Variants in SDK1 observed in about 807,000 individuals in gnomAD.
The protein encoded by SDK1 is protein sidekick-1.
In SDK1, 157 loss-of-function variants were observed where a neutral mutation model predicts 245.5. The ratio of observed to expected loss-of-function variants is 0.64; its 90% confidence interval spans 0.56 to 0.73. SDK1 has a LOEUF of 0.73. Ranked by LOEUF, SDK1 falls within the 30% of genes least tolerant of loss-of-function variation. SDK1 has a pLI of 0.00. For synonymous variants in SDK1, 1,647 were observed against 1,278.5 expected, an observed-to-expected ratio of 1.29 and a Z score of -6.15; for missense variants, 3,583 against 3,002.3, an observed-to-expected ratio of 1.19 and a Z score of -4.52.
At chr7:4,080,062 C>A (rs545499750) in intron 22 of SDK1, among the ~76,000 whole-genome samples, 18 of 152,030 alleles carry the variant, frequency 1.2e-4, no homozygotes, top group African/African-American at 4.4e-4. Context: ...TTTCTGCTGT[C>A]GAGGAGAAAA....
intron 14 of SDK1, among the ~76,000 whole-genome samples, chr7:3,998,849 C>T (rs1037245863): frequency 2.0e-5 from 3 of 152,208 alleles, no homozygotes; most frequent in Admixed American, 1.3e-4. Context: ...GCTGGCTTCT[C>T]TGGGTGAATG....
chr7:3,896,842 T>C (rs921442621), intron 5 of SDK1, among the ~76,000 whole-genome samples: 3 of 152,180 alleles, frequency 2.0e-5, no homozygotes, highest in Non-Finnish European at 2.9e-5. Context: ...TATACATGTA[T>C]TAGTTTGTTT....
At chr7:3,968,170 G>C (rs779196246) in intron 10 of SDK1, among the ~76,000 whole-genome samples, 4 of 152,140 alleles carry the variant, frequency 2.6e-5, no homozygotes, top group Non-Finnish European at 4.4e-5. Context: ...TTGTTTTGTT[G>C]AAGAAAGATG....
At chr7:4,146,545 G>T (rs1243759080) in intron 29 of SDK1, among the ~76,000 whole-genome samples, 1 of 152,222 alleles carries the variant, frequency 6.6e-6, no homozygotes, top group Non-Finnish European at 1.5e-5. Flanking sequence ...TATGTGAGAC[G>T]GTCTCAGGTT....
intron 4 of SDK1, among the ~76,000 whole-genome samples, chr7:3,792,930 C>G (rs1778850614): frequency 6.6e-6 from 1 of 152,182 alleles, no homozygotes; most frequent in Non-Finnish European, 1.5e-5. Context: ...GCATTCAGTT[C>G]TGCTTTGGAA....
chr7:3,765,464 G>T (rs578187061), intron 4 of SDK1, among the ~76,000 whole-genome samples: 2 of 152,278 alleles, frequency 1.3e-5, no homozygotes, highest in Admixed American at 6.5e-5. Flanking sequence ...TTGGCTCAAC[G>T]TTATGCTTGT....
At chr7:3,637,053 C>CAGAGAGAG (rs10577617) in intron 2 of SDK1, among the ~76,000 whole-genome samples, 9 of 148,654 alleles carry the variant, frequency 6.1e-5, no homozygotes, top group African/African-American at 2.2e-4. Flanking sequence ...TTTCCTGATG[C>CAGAGAGAG]AGAGAGAGAG....
chr7:3,761,720 G>A (rs1342146919), intron 4 of SDK1, among the ~76,000 whole-genome samples: 1 of 151,928 alleles, frequency 6.6e-6, no homozygotes, highest in Non-Finnish European at 1.5e-5. Flanking sequence ...GAGAAAATAT[G>A]CAAGTACTGC....
In SDK1 at chr7:3,543,383, C is replaced by G. The variant is rs775367259; in HGVS notation, c.299-75697C>G. Among the ~76,000 whole-genome samples the G allele has an allele frequency of 4.6e-5, 7 of 152,394 alleles. 1 individual carries two copies. The highest frequency in any genetic ancestry group is 3.9e-4 in the East Asian group (2 of 5,192). On this transcript the variant is annotated intron_variant, in intron 1 of 44. Transcript: ENST00000404826. ...GGATGAAGCCACAGATGGCTAGACT[C>G]TGACCCCATAGGGGAGCCATTCTTA...
intron 4 of SDK1, among the ~76,000 whole-genome samples, chr7:3,803,702 GT>G (rs1430520145): frequency 6.9e-6 from 1 of 144,496 alleles, no homozygotes; most frequent in Non-Finnish European, 1.5e-5. Context: ...TCAAATTTGT[GT>G]TTTGCAGATA....
intron 37 of SDK1, 112 bp downstream of exon 37, chr7:4,208,397 CACCTT>C: frequency 1.1e-6 from 1 of 951,460 alleles, no homozygotes; most frequent in Non-Finnish European, 1.6e-6. Context: ...CGGAAGGCAA[CACCTT>C]TTGAGTAGCT....
chr7:4,155,089 G>A (rs1780639038), intron 30 of SDK1, among the ~76,000 whole-genome samples: 1 of 151,952 alleles, frequency 6.6e-6, no homozygotes, highest in Admixed American at 6.6e-5. Flanking sequence ...TAGTACTGCA[G>A]AGCCAGGAGA....
At chr7:3,940,859 G>C (rs1405771259) in intron 5 of SDK1, among the ~76,000 whole-genome samples, 1 of 151,850 alleles carries the variant, frequency 6.6e-6, no homozygotes, top group Non-Finnish European at 1.5e-5. Flanking sequence ...GTGCTCCCTG[G>C]CTTCTCTGCA....
At chr7:3,894,576 G>T (rs1471841618) in intron 5 of SDK1, among the ~76,000 whole-genome samples, 1 of 152,086 alleles carries the variant, frequency 6.6e-6, no homozygotes. Flanking sequence ...ATGCTCCGGG[G>T]TCTCGCCCAG....
intron 3 of SDK1, among the ~76,000 whole-genome samples, chr7:3,640,948 C>G (rs913036001): frequency 2.6e-5 from 4 of 152,034 alleles, no homozygotes; most frequent in Non-Finnish European, 4.4e-5. Flanking sequence ...TCCCAAAGTG[C>G]TGGGATGACA....
intron 1 of SDK1, among the ~76,000 whole-genome samples, chr7:3,523,298 G>C (rs138869490): frequency 6.6e-6 from 1 of 152,262 alleles, no homozygotes; most frequent in East Asian, 1.9e-4. Context: ...GTGCAGGGAA[G>C]TGTGCTAGGG....
In SDK1 at chr7:4,012,287, G is replaced by A. The variant is rs370050840; in HGVS notation, c.2420+52G>A. On this transcript the variant is annotated intron_variant, in intron 16 of 44. Coordinates refer to ENST00000404826, the MANE Select transcript of SDK1 (RefSeq NM_152744.4). ...TAGGCCGCCATTAGAGTTGAGCGTC[G>A]ATTTCACAGAGGGTTGCAAACTCTA... 91 of 1,426,442 alleles carry A rather than the reference G, an allele frequency of 6.4e-5. 1 individual carries two copies. Among genetic ancestry groups the A allele is most frequent in the East Asian group, 4.3e-4 (16 of 37,040 alleles). The allele number at this position is 1,426,442 out of a possible 1,614,324, so 88.4% of individuals were successfully genotyped here.
chr7:3,944,416 A>G (rs1174399649), intron 5 of SDK1, among the ~76,000 whole-genome samples: 1 of 152,226 alleles, frequency 6.6e-6, no homozygotes, highest in Non-Finnish European at 1.5e-5. Context: ...ATTCGTTGGT[A>G]TATGGCATTT....
At chr7:3,395,848 T>C (rs932353924) in intron 1 of SDK1, among the ~76,000 whole-genome samples, 1 of 151,886 alleles carries the variant, frequency 6.6e-6, no homozygotes, top group African/African-American at 2.4e-5. Context: ...TCATTCCTGA[T>C]TTTTGTGGTT....
Sources: gnomAD v4.1 joint callset for allele counts (sites outside exome capture counted in the v4.1 genomes callset) on GRCh38, gnomAD v4.1.1 for gene constraint, MANE v1.5 for transcripts, NCBI Gene and HGNC (gene_info 2026-07-23, HGNC 2026-07-21) for gene names.